The following CATSPER2 variants were observed in gnomAD, a reference collection of about 807,000 sequenced individuals.
CATSPER2 encodes cation channel sperm-associated protein 2.
CATSPER2 carries 56 observed loss-of-function variants against 68.8 expected under a neutral mutation model. The ratio of observed to expected loss-of-function variants is 0.81; its 90% CI spans 0.66 to 1.02. The LOEUF (loss-of-function observed/expected upper bound fraction) is 1.02, where lower values mean the gene tolerates loss of function less well. CATSPER2 is among the 50% of genes least tolerant of loss of function. The probability of loss-of-function intolerance (pLI) is 0.00; values close to 1 mark genes in which losing one functional copy is unlikely to be tolerated. For synonymous variants in CATSPER2, 198 were observed against 229.9 expected, an observed-to-expected ratio of 0.86 and a Z score of 1.26; for missense variants, 582 against 642.0, an observed-to-expected ratio of 0.91 and a Z score of 1.01.
intron 8 of CATSPER2, 32 bp from the exon 9 acceptor site, chr15:43,635,858 T>C (rs927412020): frequency 1.9e-6 from 3 of 1,591,930 alleles, no homozygotes; most frequent in African/African-American, 1.3e-5. Context: ...AGCTGGGAGA[T>C]GGTAATGACT....
Position 43,647,300 on chromosome 15 carries a change from G to A in CATSPER2, c.313C>T (p.Leu105Phe). ...PPLSLWAGWV[L>F]ECPLFKNFII... Reference sequence around the variant, plus strand: ...GAGTGACATGAAAGGATACACTCAAGGACCCATCCGGCCCACAAAGAAAGA... The same window carrying A: ...GAGTGACATGAAAGGATACACTCAAAGACCCATCCGGCCCACAAAGAAAGA... The change falls in exon 3 of 13, where the codon CTT (leucine) becomes TTT (phenylalanine). Residue 105 changes from leucine (L) to phenylalanine (F), a missense_variant. This residue lies in a region of CATSPER2 where 197 missense variants were observed against 191.0 expected (regional missense o/e 1.03). Coordinates refer to ENST00000396879, the MANE Select transcript of CATSPER2 (RefSeq NM_172095.4). 6.2e-7 allele frequency: 1 copy of A among 1,608,504 alleles called. No individual in the cohort carries two copies. Among genetic ancestry groups the A allele is most frequent in the East Asian group, 2.2e-5 (1 of 44,846 alleles).
Position 43,630,557 on chromosome 15 carries a change from A to G in CATSPER2, c.*144T>C, listed in dbSNP as rs2085854645. ...TTTTTAGTAGAGACAGGGTTTCACC[A>G]CGCCTGGCCTAGACACTTATACTTT... On this transcript the variant is annotated 3_prime_UTR_variant, in exon 13 of 13. Coordinates refer to ENST00000396879, the MANE Select transcript of CATSPER2 (RefSeq NM_172095.4). 1.4e-5 allele frequency: 21 copies of G among 1,549,170 alleles called. No homozygotes were observed. Among genetic ancestry groups the G allele is most frequent in the Admixed American group, 1.8e-5 (1 of 54,778 alleles).
chr15:43,632,735 T>A lies in CATSPER2; in HGVS notation c.1378A>T (p.Arg460Ter). 6.2e-7 allele frequency: 1 copy of A among 1,613,650 alleles called. No homozygotes were observed. The highest frequency in any genetic ancestry group is 8.5e-7 in the Non-Finnish European group (1 of 1,179,778). ...SSSYSSSSES[R>*]FSESIGRLDW... ...GGCTCACCAATAGATTCAGAAAATC[T>A]GGATTCAGAAGAGGAAGAATAGGAA... The change falls in exon 11 of 13, where the codon AGA becomes TGA. Residue 460 changes from arginine to a stop codon, truncating the protein, a stop_gained. Transcript: ENST00000396879. LOFTEE classifies it high-confidence loss of function.
rs1368133233 is a variant in CATSPER2, at chr15:43,636,658, T to A, written c.843-439A>T. On this transcript the variant is annotated intron_variant, in intron 7 of 12. Transcript: ENST00000396879. The stretch of plus-strand genomic sequence containing the variant: ...TGCCAGTCTCAGCCTCCCAAAGTGC[T>A]AGGATTATAGGTGTGAGCCACCGCA... Among the ~76,000 whole-genome samples the A allele has an allele frequency of 3.3e-5, 5 of 151,760 alleles. No individual in the cohort carries two copies. In the South Asian group the frequency reaches 6.3e-4, roughly 19 times the overall value.
At chr15:43,635,510 T>C (rs1415087402) in intron 9 of CATSPER2, 94 bp from the exon 10 acceptor site, 12 of 1,372,482 alleles carry the variant, frequency 8.7e-6, no homozygotes, top group Non-Finnish European at 6.2e-6. Context: ...TGAAGAAAAC[T>C]AATTGGGGAG....
chr15:43,639,352 C>T (rs1239448210), intron 6 of CATSPER2: 1 of 443,890 alleles, frequency 2.3e-6, no homozygotes. Context: ...TCAAGTGATT[C>T]TTCTGCCTCA....
intron 12 of CATSPER2, chr15:43,631,528 C>CTT: frequency 1.3e-5 from 5 of 377,692 alleles, no homozygotes; most frequent in South Asian, 2.1e-5. Context: ...CGTGCCCGGC[C>CTT]TTTTTTTTTC....
chr15:43,630,486 C>T lies in CATSPER2; in HGVS notation c.*215G>A. ...TCTCCTGCCTCAGGCTCCCAAGTAG[C>T]TATGATTACAAGCATCTGCCACCAC... is the stretch of plus-strand genomic sequence containing the variant. On this transcript the variant is annotated 3_prime_UTR_variant, in exon 13 of 13. Coordinates refer to ENST00000396879, the MANE Select transcript of CATSPER2 (RefSeq NM_172095.4). The T allele has an allele frequency of 9.9e-7, 1 of 1,008,804 alleles. No homozygotes were observed. Among genetic ancestry groups the T allele is most frequent in the Non-Finnish European group, 1.4e-6 (1 of 704,814 alleles). 62.5% of individuals were successfully genotyped at this position (1,008,804 alleles called of 1,614,324 possible).
In CATSPER2 at chr15:43,632,296, G is replaced by T. The variant is rs764811253; in HGVS notation, c.1464C>A (p.Asp488Glu). Residue 488 changes from aspartate (D) to glutamate (E), a missense_variant, in exon 12 of 13, where the codon GAC becomes GAA. Physicochemically the swap from Asp to Glu is conservative, Grantham distance 45. Transcript: ENST00000396879. ...AGAGTGAGTCTCTGGGCCAAACACG[G>T]TCATCCTGATCCATTTCCATTAGCC... ...LPGLMEMDQD[D>E]RVWPRDSLFR... 2.5e-6 allele frequency: 4 copies of T among 1,613,662 alleles called. No homozygotes were observed. Among genetic ancestry groups the T allele is most frequent in the Non-Finnish European group, 2.5e-6 (3 of 1,179,860 alleles).
At chr15:43,646,050 A>C (rs1208122393) in intron 4 of CATSPER2, among the ~76,000 whole-genome samples, 1 of 151,888 alleles carries the variant, frequency 6.6e-6, no homozygotes, top group Non-Finnish European at 1.5e-5. Flanking sequence ...ATTTATACTT[A>C]ATCTTTCTAA....
chr15:43,632,219 T>A lies in CATSPER2; in HGVS notation c.1541A>T (p.Lys514Met), dbSNP rs568471736. The change falls in exon 12 of 13, where the codon AAG (lysine) becomes ATG (methionine). Residue 514 changes from lysine to methionine, a missense_variant. Around this residue, in one of 5 missense-constraint regions of CATSPER2, gnomAD observed 235 missense variants for 264.2 expected, o/e 0.89. Coordinates refer to ENST00000396879, the MANE Select transcript of CATSPER2 (RefSeq NM_172095.4). ...CATACCTGCAAACTCTTGTAACTTC[T>A]TACGTTCCTCTAGGTTATACTGAAG... ...EKLQYNLEER[K>M]KLQEFAVQAL... 25 of 1,613,656 alleles carry A rather than the reference T, an allele frequency of 1.5e-5. No homozygotes were observed. The highest frequency in any genetic ancestry group is 2.1e-5 in the Non-Finnish European group (25 of 1,179,734).
In CATSPER2 at chr15:43,632,229, C is replaced by G. The variant is rs959917163; in HGVS notation, c.1531G>C (p.Glu511Gln). The G allele has an allele frequency of 6.8e-6, 11 of 1,613,688 alleles. No individual in the cohort carries two copies. The highest frequency in any genetic ancestry group is 9.3e-6 in the Non-Finnish European group (11 of 1,179,788). ...ELLEKLQYNL[E>Q]ERKKLQEFAV... ...AACTCTTGTAACTTCTTACGTTCCT[C>G]TAGGTTATACTGAAGCTTTTCTAGC... is the stretch of plus-strand genomic sequence containing the variant. The change falls in exon 12 of 13, where the codon GAG (glutamate) becomes CAG (glutamine). Residue 511 changes from glutamate (E) to glutamine (Q), a missense_variant. Coordinates refer to ENST00000396879, the MANE Select transcript of CATSPER2 (RefSeq NM_172095.4).
rs2085946750 is a variant in CATSPER2 at position 43,635,431 on chromosome 15, A to G, written c.1122-15T>C. On this transcript the variant is annotated splice_polypyrimidine_tract_variant and intron_variant, in intron 9 of 12. Coordinates refer to ENST00000396879, the MANE Select transcript of CATSPER2 (RefSeq NM_172095.4). ...TGTTTTTTCTCCTGCAGAGCAAAAAAAAAAAAGAGCAAAGACAGTTATATT... is the reference window on the plus strand; with the variant it reads ...TGTTTTTTCTCCTGCAGAGCAAAAAGAAAAAAGAGCAAAGACAGTTATATT... The G allele has an allele frequency of 4.4e-6, 7 of 1,607,190 alleles. No individual in the cohort carries two copies. In the East Asian group the frequency reaches 1.3e-4, roughly 31 times the overall value.
At chr15:43,638,744 C>T (rs563367483) in intron 7 of CATSPER2, among the ~76,000 whole-genome samples, 160 bp downstream of exon 7, 1 of 151,940 alleles carries the variant, frequency 6.6e-6, no homozygotes, top group African/African-American at 2.4e-5. Context: ...GAGCTAATAC[C>T]ATTCACTATT....
At chr15:43,635,518 G>C (rs2141554564) in intron 9 of CATSPER2, 102 bp from the exon 10 acceptor site, 2 of 1,332,658 alleles carry the variant, frequency 1.5e-6, no homozygotes, top group South Asian at 2.4e-5. Flanking sequence ...ACTAATTGGG[G>C]AGAACAAATT....
chr15:43,641,116 TTTTTTG>T (rs983820695), intron 4 of CATSPER2, among the ~76,000 whole-genome samples: 9 of 137,464 alleles, frequency 6.5e-5, no homozygotes, highest in East Asian at 2.2e-4. Context: ...TTGTTTTTTG[TTTTTTG>T]TTTTTTTTTT....
chr15:43,639,958 T>G, intron 5 of CATSPER2, 160 bp from the exon 6 acceptor site: 2 of 1,512,556 alleles, frequency 1.3e-6, no homozygotes, highest in Non-Finnish European at 1.8e-6. Flanking sequence ...ATTAAGTTGC[T>G]TAAACACTAT....
chr15:43,647,236 T>A, intron 3 of CATSPER2, 58 bp downstream of exon 3: 1 of 1,581,256 alleles, frequency 6.3e-7, no homozygotes. Context: ...GAGCAAAAAA[T>A]AAGTCATTAG....
At chr15:43,644,216 T>C (rs1345235960) in intron 4 of CATSPER2, among the ~76,000 whole-genome samples, 1 of 152,026 alleles carries the variant, frequency 6.6e-6, no homozygotes, top group Non-Finnish European at 1.5e-5. Context: ...AAAAAAATTT[T>C]TTAAGCCTAA....
Sources: allele counts gnomAD v4.1 joint callset (sites outside exome capture counted in the v4.1 genomes callset), GRCh38; gene constraint gnomAD v4.1.1; regional missense constraint gnomAD v4.1.1; transcripts MANE v1.5; gene names NCBI Gene and HGNC (gene_info 2026-07-23, HGNC 2026-07-21).